XRN1: variants seen among roughly 807,000 people sequenced by gnomAD.
XRN1 encodes the protein 5'-3' exoribonuclease 1.
XRN1 carries 67 observed loss-of-function variants against 222.3 expected under a neutral mutation model. That is an observed-to-expected ratio of 0.30 (90% CI 0.25 to 0.37). The LOEUF (loss-of-function observed/expected upper bound fraction) is 0.37. XRN1 is among the 10% of genes least tolerant of loss of function. XRN1 has a pLI of 1.00. For synonymous variants in XRN1, 643 were observed against 652.4 expected (o/e 0.99, Z 0.22); for missense variants, 1,707 against 2,000.2 (o/e 0.85, Z 2.80).
intron 20 of XRN1, among the ~76,000 whole-genome samples, chr3:142,391,086 A>T (rs1163804944): frequency 6.6e-6 from 1 of 152,188 alleles, no homozygotes; most frequent in Non-Finnish European, 1.5e-5. Context: ...ACCATGACAG[A>T]TATAAAAATA....
chr3:142,398,067 AGT>A (rs1343436764), intron 19 of XRN1, among the ~76,000 whole-genome samples: 1 of 152,114 alleles, frequency 6.6e-6, no homozygotes, highest in Non-Finnish European at 1.5e-5. Flanking sequence ...ATATTGAGAC[AGT>A]GTCTCTACAA....
At chr3:142,402,500 A>G (rs2068181124) in intron 18 of XRN1, among the ~76,000 whole-genome samples, 1 of 152,114 alleles carries the variant, frequency 6.6e-6, no homozygotes, top group Non-Finnish European at 1.5e-5. Context: ...GACTTTCTAA[A>G]CAGGTTTTTC....
Position 142,309,725 on chromosome 3 carries a change from G to A in XRN1, c.*1786C>T, listed in dbSNP as rs2065039303. Reference sequence around the variant, plus strand: ...TATATAACTGTCACACAGGAGTAATGAGTGAGGCAAATTCTCAATGCTGGA... The same window carrying A: ...TATATAACTGTCACACAGGAGTAATAAGTGAGGCAAATTCTCAATGCTGGA... On this transcript the variant is annotated 3_prime_UTR_variant, in exon 41 of 41. Transcript: ENST00000392981. 6.6e-6 allele frequency: 1 copy of A among 152,248 alleles called. No homozygotes were observed. Among genetic ancestry groups the A allele is most frequent in the Admixed American group, 6.5e-5 (1 of 15,286 alleles). 9.4% of individuals were successfully genotyped at this position (152,248 alleles called of 1,614,324 possible). A position where few individuals can be genotyped will look rare whatever the true frequency, so the allele number is the denominator to read the frequency against.
intron 10 of XRN1, among the ~76,000 whole-genome samples, chr3:142,419,506 G>A (rs1487629037): frequency 6.6e-6 from 1 of 152,100 alleles, no homozygotes; most frequent in Non-Finnish European, 1.5e-5. Flanking sequence ...AGCAAGGAGA[G>A]TAAGAAGCTC....
intron 9 of XRN1, 43 bp downstream of exon 9, chr3:142,421,433 C>T: frequency 6.7e-7 from 1 of 1,488,156 alleles, no homozygotes; most frequent in Non-Finnish European, 9.2e-7. Context: ...TGATCATTTA[C>T]AGCTACTCTG....
chr3:142,385,151 TCAAA>T (rs1362481083), intron 20 of XRN1, among the ~76,000 whole-genome samples: 1 of 152,114 alleles, frequency 6.6e-6, no homozygotes, highest in African/African-American at 2.4e-5. Flanking sequence ...AAACAGGTAC[TCAAA>T]CAAATATTGA....
rs1219886042 is a variant in XRN1, at chr3:142,332,790, A to G, written c.4062+177T>C. On this transcript the variant is annotated intron_variant, in intron 35 of 40. Transcript: ENST00000392981. ...TTGAAAAGCAGGGGAACTGTGGTCT[A>G]AAGAGAAAAAGTATGGCTAAATTGC... 3 of 974,964 alleles carry G rather than the reference A, an allele frequency of 3.1e-6. No individual in the cohort carries two copies. The East Asian group carries it at 8.1e-5, about 26-fold the overall frequency. The allele number at this position is 974,964 out of a possible 1,614,324, so 60.4% of individuals were successfully genotyped here. A position where few individuals can be genotyped will look rare whatever the true frequency, so the allele number is the denominator to read the frequency against.
intron 10 of XRN1, 44 bp downstream of exon 10, chr3:142,420,972 C>G: frequency 2.5e-6 from 4 of 1,607,516 alleles, no homozygotes; most frequent in Non-Finnish European, 2.5e-6. Flanking sequence ...TAATTTTTGC[C>G]TTTACAGTTA....
chr3:142,441,715 A>G (rs2070222289), intron 1 of XRN1, among the ~76,000 whole-genome samples: 1 of 152,194 alleles, frequency 6.6e-6, no homozygotes, highest in South Asian at 2.1e-4. Context: ...ATCAGGCTCT[A>G]TTACTTGAAG....
At chr3:142,349,669 C>A (rs1411519595) in intron 32 of XRN1, among the ~76,000 whole-genome samples, 5 of 152,044 alleles carry the variant, frequency 3.3e-5, no homozygotes, top group Admixed American at 3.3e-4. Flanking sequence ...GGTATTTGTA[C>A]ACATTGCCAT....
At position 142,325,950 on chromosome 3, in the gene XRN1, A is replaced by G. The variant is rs934136942; in HGVS notation, c.4404+3484T>C. ...TCTTTCCCTAACATATGTTCTTGTC[A>G]TCTTTATAAAAAATAAGTTGACTGT... On this transcript the variant is annotated intron_variant, in intron 37 of 40. Transcript: ENST00000392981. Among the ~76,000 whole-genome samples the G allele has an allele frequency of 4.6e-5, 7 of 152,038 alleles. No homozygotes were observed. The East Asian group carries it at 1.3e-3, about 29-fold the overall frequency.
At chr3:142,359,121 CATG>C (rs1385402079) in intron 30 of XRN1, among the ~76,000 whole-genome samples, 1 of 152,174 alleles carries the variant, frequency 6.6e-6, no homozygotes, top group African/African-American at 2.4e-5. Context: ...CTCATTTTAT[CATG>C]ATACTTGTTC....
At chr3:142,422,509 A>C (rs1353269183) in intron 8 of XRN1, 73 bp downstream of exon 8, 2 of 1,484,982 alleles carry the variant, frequency 1.3e-6, no homozygotes, top group African/African-American at 2.8e-5. Context: ...TAATCTACTA[A>C]ACTAAGTCAC....
At position 142,376,000 on chromosome 3, in the gene XRN1, AC is replaced by A. The variant is rs1181527482; in HGVS notation, c.2832-57del. On this transcript the variant is annotated intron_variant, in intron 24 of 40. Transcript: ENST00000392981. ...CACACACACACACACACACACACAC[AC>A]GAGTTTTAAAATGTCGTTCAAGGAA... 2.7e-6 allele frequency: 4 copies of A among 1,486,296 alleles called. No homozygotes were observed. In the African/African-American group the frequency reaches 5.7e-5, roughly 21 times the overall value. 92.1% of individuals were successfully genotyped at this position (1,486,296 alleles called of 1,614,324 possible).
intron 37 of XRN1, among the ~76,000 whole-genome samples, chr3:142,324,928 A>G (rs947108332): frequency 5.9e-5 from 9 of 152,124 alleles, no homozygotes; most frequent in African/African-American, 2.2e-4. Context: ...AAGTGTGTAT[A>G]TATATACACA....
intron 2 of XRN1, among the ~76,000 whole-genome samples, chr3:142,432,063 A>G (rs1577435935): frequency 9.0e-6 from 1 of 111,290 alleles, no homozygotes; most frequent in East Asian, 2.3e-4. Context: ...GCATATATAT[A>G]TGCAAAAATA....
chr3:142,335,189 G>A (rs567620468), intron 34 of XRN1, among the ~76,000 whole-genome samples: 4 of 152,144 alleles, frequency 2.6e-5, no homozygotes, highest in Admixed American at 6.5e-5. Flanking sequence ...AATTGAGGCT[G>A]TGAGAGGTAA....
intron 37 of XRN1, among the ~76,000 whole-genome samples, chr3:142,326,474 T>TA (rs919519740): frequency 2.6e-5 from 4 of 152,276 alleles, no homozygotes; most frequent in African/African-American, 7.2e-5. Flanking sequence ...TGTCAGTATA[T>TA]AGAAATGTGA....
Position 142,432,865 on chromosome 3 carries a change from T to A in XRN1, c.104A>T (p.Asp35Val), listed in dbSNP as rs1034319583. ...GCACTGATGTATAATTCCATTCATA[T>A]CCAGGTACAAGTTGTCAAATTCAGG... ...QIPEFDNLYLDMNGIIHQCSH... is the reference protein window; with the variant it reads ...QIPEFDNLYLVMNGIIHQCSH... The change falls in exon 2 of 41, where the codon GAT becomes GTT. Residue 35 changes from aspartate (D) to valine (V), a missense_variant. Around this residue, in one of 2 missense-constraint regions of XRN1, gnomAD observed 1,234 missense variants for 1,518.2 expected, o/e 0.81. Transcript: ENST00000392981. 6.2e-7 allele frequency: 1 copy of A among 1,611,442 alleles called. No individual in the cohort carries two copies. The highest frequency in any genetic ancestry group is 8.5e-7 in the Non-Finnish European group (1 of 1,178,668).
Sources: allele counts gnomAD v4.1 joint callset (sites outside exome capture counted in the v4.1 genomes callset), GRCh38; gene constraint gnomAD v4.1.1; regional missense constraint gnomAD v4.1.1; transcripts MANE v1.5; gene names NCBI Gene and HGNC (gene_info 2026-07-23, HGNC 2026-07-21).